TMPRSS15: variants seen among roughly 807,000 people sequenced by gnomAD.
TMPRSS15 encodes the protein transmembrane serine protease 15.
In TMPRSS15, 128 loss-of-function variants were observed where a neutral mutation model predicts 125.3. The ratio of observed to expected loss-of-function variants is 1.02; its 90% confidence interval spans 0.89 to 1.18. The LOEUF (loss-of-function observed/expected upper bound fraction) is 1.18, where lower values mean the gene tolerates loss of function less well. Among genes scored for constraint, TMPRSS15 ranks in the 50% most tolerant of loss-of-function variants. The pLI, the probability that TMPRSS15 is intolerant of heterozygous loss-of-function variation, is 0.00. For missense variants in TMPRSS15, 1,283 were observed against 1,212.7 expected (o/e 1.06, Z -0.86); for synonymous variants, 446 against 423.2 (o/e 1.05, Z -0.66).
chr21:18,362,805 T>C (rs1350635968), intron 7 of TMPRSS15, among the ~76,000 whole-genome samples: 27 of 152,278 alleles, frequency 1.8e-4, no homozygotes, highest in Admixed American at 1.8e-3. Flanking sequence ...AGATGTGGAA[T>C]TCTACAGACA....
At chr21:18,430,918 A>T (rs1162006542) in intron 1 of TMPRSS15, among the ~76,000 whole-genome samples, 4 of 152,206 alleles carry the variant, frequency 2.6e-5, no homozygotes, top group Non-Finnish European at 5.9e-5. Flanking sequence ...CTTATAAATT[A>T]TACAGCTTTT....
At chr21:18,289,338 C>T (rs1248604835) in intron 21 of TMPRSS15, among the ~76,000 whole-genome samples, 3 of 152,088 alleles carry the variant, frequency 2.0e-5, no homozygotes, top group Non-Finnish European at 4.4e-5. Flanking sequence ...CATGGAGAAA[C>T]CCCGTCTCTA....
intron 14 of TMPRSS15, among the ~76,000 whole-genome samples, chr21:18,330,016 A>G (rs916122757): frequency 6.6e-6 from 1 of 152,148 alleles, no homozygotes; most frequent in Non-Finnish European, 1.5e-5. Context: ...TTTCAAATCC[A>G]ACATGTTCTA....
intron 18 of TMPRSS15, 106 bp downstream of exon 18, chr21:18,312,839 T>C: frequency 5.6e-6 from 8 of 1,434,432 alleles, no homozygotes; most frequent in Non-Finnish European, 7.6e-6. Flanking sequence ...ATGTGTATTT[T>C]CTAAATTCAT....
chr21:18,473,571 T>C (rs138775478), intron 1 of TMPRSS15, among the ~76,000 whole-genome samples: 2,362 of 152,254 alleles, frequency 0.016, 62 homozygotes, highest in African/African-American at 0.054. Context: ...ATGTGTGTTA[T>C]TTTAATCATT....
upstream of TMPRSS15, among the ~76,000 whole-genome samples, chr21:18,405,927 AAC>A (rs1030772236): frequency 1.3e-5 from 2 of 152,186 alleles, no homozygotes; most frequent in Admixed American, 6.5e-5. Context: ...CTTTTTTTAA[AAC>A]AAAGTGTATC....
At chr21:18,415,908 C>T (rs1371231617) in intron 1 of TMPRSS15, among the ~76,000 whole-genome samples, 1 of 151,864 alleles carries the variant, frequency 6.6e-6, no homozygotes, top group Non-Finnish European at 1.5e-5. Context: ...CCCTAAAACT[C>T]CACCTACACA....
At chr21:18,279,311 CTT>C (rs71189593) in intron 22 of TMPRSS15, among the ~76,000 whole-genome samples, 7 of 41,112 alleles carry the variant, frequency 1.7e-4, no homozygotes, top group South Asian at 1.4e-3. Flanking sequence ...CCTCGTTACT[CTT>C]TTTTTTTTTT....
rs551138668 is a variant in TMPRSS15, at chr21:18,447,940, T to C, written c.10+37859A>G. ...AGATATCACTTCACCCCTGTTAGAATGTCTGTTTTCAAAAAGATAAAAAGG... is the reference window on the plus strand; with the variant it reads ...AGATATCACTTCACCCCTGTTAGAACGTCTGTTTTCAAAAAGATAAAAAGG... On this transcript the variant is annotated intron_variant, in intron 1 of 7. Transcript: ENST00000422787. Among the ~76,000 whole-genome samples the C allele has an allele frequency of 2.8e-3, 422 of 152,278 alleles. 1 individual carries two copies. The highest frequency in any genetic ancestry group is 0.014 in the Middle Eastern group (4 of 294).
intron 18 of TMPRSS15, among the ~76,000 whole-genome samples, chr21:18,306,712 A>G (rs2075043129): frequency 6.6e-6 from 1 of 152,046 alleles, no homozygotes; most frequent in Non-Finnish European, 1.5e-5. Context: ...AATCAGCTAT[A>G]TCATTTATAT....
Position 18,270,059 on chromosome 21 carries a change from T to A in TMPRSS15, c.2970A>T (p.Ser990=). The stretch of plus-strand genomic sequence containing the variant: ...TAGGCAGGGCACACTTGTATCCAAA[T>A]GAGGTCACACCAGCAAGGAACCACC... ...NNRWFLAGVT[S]FGYKCALPNR... The change falls in exon 25 of 25, where the codon TCA becomes TCT. Residue 990 remains serine (S), a synonymous_variant. Transcript: ENST00000284885. 1 of 1,613,962 alleles carries A rather than the reference T, an allele frequency of 6.2e-7. No individual in the cohort carries two copies. The highest frequency in any genetic ancestry group is 8.5e-7 in the Non-Finnish European group (1 of 1,179,898).
intron 8 of TMPRSS15, among the ~76,000 whole-genome samples, chr21:18,354,763 A>G (rs957814126): frequency 6.6e-6 from 1 of 151,830 alleles, no homozygotes; most frequent in African/African-American, 2.4e-5. Context: ...AATGAAAAAA[A>G]GTGTTAACAA....
intron 1 of TMPRSS15, among the ~76,000 whole-genome samples, chr21:18,479,907 T>C (rs902614453): frequency 8.5e-5 from 13 of 152,098 alleles, no homozygotes; most frequent in African/African-American, 3.1e-4. Context: ...CAAAGGATGA[T>C]AAATCATTCT....
chr21:18,451,384 C>T lies in TMPRSS15; in HGVS notation c.10+34415G>A, dbSNP rs936003290. On this transcript the variant is annotated intron_variant, in intron 1 of 7. Coordinates refer to the TMPRSS15 transcript ENST00000422787. The stretch of plus-strand genomic sequence containing the variant: ...TGAATTGATCATAGATTTGTCTGCC[C>T]TTTTTTTTTTGAGTTGTTAATCAAA... Among the ~76,000 whole-genome samples, 10 of 148,028 alleles carry T rather than the reference C, an allele frequency of 6.8e-5. 1 individual carries two copies. Among genetic ancestry groups the T allele is most frequent in the African/African-American group, 2.5e-4 (10 of 40,460 alleles).
At chr21:18,325,077 C>A (rs1374473973) in intron 16 of TMPRSS15, among the ~76,000 whole-genome samples, 8 of 152,006 alleles carry the variant, frequency 5.3e-5, no homozygotes, top group South Asian at 2.1e-4. Flanking sequence ...TCTCGCCACA[C>A]ACACACACAC....
chr21:18,463,200 G>A (rs1978584866), intron 1 of TMPRSS15, among the ~76,000 whole-genome samples: 2 of 111,520 alleles, frequency 1.8e-5, no homozygotes, highest in Non-Finnish European at 3.4e-5. Flanking sequence ...ACACGCATAG[G>A]CTCAAAATAA....
chr21:18,365,073 C>A (rs1422911086), intron 7 of TMPRSS15, 67 bp downstream of exon 7: 3 of 1,279,002 alleles, frequency 2.3e-6, no homozygotes, highest in Admixed American at 1.7e-5. Context: ...CTACTGAAAG[C>A]AATAAGACGT....
At chr21:18,485,643 C>T (rs1601480017) in intron 1 of TMPRSS15, among the ~76,000 whole-genome samples, 1 of 152,028 alleles carries the variant, frequency 6.6e-6, no homozygotes, top group East Asian at 1.9e-4. Flanking sequence ...ATAATATTGA[C>T]TTATGAATCT....
intron 1 of TMPRSS15, among the ~76,000 whole-genome samples, chr21:18,442,235 T>A (rs1465863642): frequency 6.6e-6 from 1 of 152,230 alleles, no homozygotes; most frequent in Non-Finnish European, 1.5e-5. Context: ...ATCTGCTCTC[T>A]CCATCAGATA....
Sources: gnomAD v4.1 joint callset for allele counts (sites outside exome capture counted in the v4.1 genomes callset) on GRCh38, gnomAD v4.1.1 for gene constraint, MANE v1.5 for transcripts, NCBI Gene and HGNC (gene_info 2026-07-23, HGNC 2026-07-21) for gene names.